RSPO2: variants seen among roughly 807,000 people sequenced by gnomAD.
The protein encoded by RSPO2 is R-spondin 2.
A neutral mutation model predicts 30.9 loss-of-function variants in RSPO2; 14 were observed. The ratio of observed to expected loss-of-function variants is 0.45; its 90% CI spans 0.30 to 0.71. The LOEUF (loss-of-function observed/expected upper bound fraction) is 0.71. RSPO2 is among the 30% of genes least tolerant of loss of function. RSPO2 has a pLI of 0.08. For synonymous variants in RSPO2, 107 were observed against 96.4 expected, an observed-to-expected ratio of 1.11 and a Z score of -0.64; for missense variants, 264 against 301.9, an observed-to-expected ratio of 0.87 and a Z score of 0.93.
rs997180475 is a variant in RSPO2 at position 107,899,363 on chromosome 8, A to T, written c.*1712T>A. 3.9e-5 allele frequency: 6 copies of T among 152,752 alleles called. No homozygotes were observed. In the East Asian group the frequency reaches 1.2e-3, roughly 29 times the overall value. 9.5% of individuals were successfully genotyped at this position (152,752 alleles called of 1,614,324 possible). On this transcript the variant is annotated 3_prime_UTR_variant, in exon 6 of 6. Transcript: ENST00000276659. Reference sequence around the variant, plus strand: ...CAAAAAAGAACATCCCAGGAACAACAGGTATTGACTTATTAACGATGAAGC... The same window carrying T: ...CAAAAAAGAACATCCCAGGAACAACTGGTATTGACTTATTAACGATGAAGC...
intron 2 of RSPO2, among the ~76,000 whole-genome samples, chr8:108,080,858 A>C (rs1813171234): frequency 6.6e-6 from 1 of 152,228 alleles, no homozygotes; most frequent in South Asian, 2.1e-4. Context: ...GACTTATAAA[A>C]AGAGGAAAAG....
At position 108,017,269 on chromosome 8, in the gene RSPO2, G is replaced by A. The variant is rs189461865; in HGVS notation, c.95-28025C>T. On this transcript the variant is annotated intron_variant, in intron 2 of 5. Transcript: ENST00000276659. Reference sequence around the variant, plus strand: ...CATGACCTCGTGATCTGCCTGCCTCGGCCTCTCAAAGTGCTGGGATTACAG... The same window carrying A: ...CATGACCTCGTGATCTGCCTGCCTCAGCCTCTCAAAGTGCTGGGATTACAG... Among the ~76,000 whole-genome samples, 139 of 152,122 alleles carry A rather than the reference G, an allele frequency of 9.1e-4. 2 individuals are homozygous for A. The highest frequency in any genetic ancestry group is 5.4e-3 in the Admixed American group (82 of 15,272).
chr8:108,031,380 C>T (rs1811417429), intron 2 of RSPO2, among the ~76,000 whole-genome samples: 1 of 152,158 alleles, frequency 6.6e-6, no homozygotes, highest in Non-Finnish European at 1.5e-5. Context: ...ACTAAATGGC[C>T]TTATTATGCT....
intron 3 of RSPO2, chr8:107,983,161 A>G: frequency 6.5e-7 from 1 of 1,526,882 alleles, no homozygotes; most frequent in South Asian, 1.2e-5. Context: ...TCAACAGAGC[A>G]GATGAGCAGA....
chr8:108,052,293 G>T (rs1812100984), intron 2 of RSPO2, among the ~76,000 whole-genome samples: 1 of 152,138 alleles, frequency 6.6e-6, no homozygotes, highest in Non-Finnish European at 1.5e-5. Flanking sequence ...GAAGCAGCCA[G>T]TTTAAAAGTA....
chr8:107,958,547 A>T (rs1813508643), intron 4 of RSPO2, among the ~76,000 whole-genome samples: 1 of 152,118 alleles, frequency 6.6e-6, no homozygotes, highest in South Asian at 2.1e-4. Flanking sequence ...TTTTCCTTCA[A>T]CTTTTAAGTT....
intron 2 of RSPO2, chr8:108,081,903 G>T (rs1392092356): frequency 6.1e-6 from 6 of 985,280 alleles, no homozygotes; most frequent in Non-Finnish European, 7.2e-6. Flanking sequence ...ACCAGCGCGG[G>T]AATTGCTGCT....
chr8:107,959,246 C>T lies in RSPO2; in HGVS notation c.428-978G>A, dbSNP rs1051223350. On this transcript the variant is annotated intron_variant, in intron 4 of 5. Transcript: ENST00000276659. ...CCACAGTTCTTATTCCCCACATTGG[C>T]GTTGTACATTACTACAGTTTGAAAA... Among the ~76,000 whole-genome samples the T allele has an allele frequency of 5.3e-5, 8 of 152,128 alleles. No individual in the cohort carries two copies. The East Asian group carries it at 1.2e-3, about 22-fold the overall frequency.
At position 108,072,021 on chromosome 8, in the gene RSPO2, T is replaced by C. The variant is rs73700388; in HGVS notation, c.94+10524A>G. 4.6e-3 allele frequency among the ~76,000 whole-genome samples: 707 copies of C among 152,268 alleles called. 4 individuals carry two copies. The highest frequency in any genetic ancestry group is 0.015 in the African/African-American group (616 of 41,562). ...GAGCAGGGAATGACAGATACCATAGTTACCCCCAAAGAGTTATATTTTTGG... is the reference window on the plus strand; with the variant it reads ...GAGCAGGGAATGACAGATACCATAGCTACCCCCAAAGAGTTATATTTTTGG... On this transcript the variant is annotated intron_variant, in intron 2 of 5. Coordinates refer to ENST00000276659, the MANE Select transcript of RSPO2 (RefSeq NM_178565.5).
At chr8:107,993,705 A>G (rs1814925221) in intron 2 of RSPO2, among the ~76,000 whole-genome samples, 1 of 152,140 alleles carries the variant, frequency 6.6e-6, no homozygotes, top group African/African-American at 2.4e-5. Flanking sequence ...AATTCTAGAG[A>G]CTAGAAGTCT....
Position 107,899,542 on chromosome 8 carries a change from A to C in RSPO2, c.*1533T>G, listed in dbSNP as rs1811374105. ...ATCTCATAGCAATATTTTCATAACG[A>C]TGTATATGATATTTATCCTTATTGG... On this transcript the variant is annotated 3_prime_UTR_variant, in exon 6 of 6. Coordinates refer to ENST00000276659, the MANE Select transcript of RSPO2 (RefSeq NM_178565.5). 1 of 152,548 alleles carries C rather than the reference A, an allele frequency of 6.6e-6. No homozygotes were observed. Among genetic ancestry groups the C allele is most frequent in the South Asian group, 2.1e-4 (1 of 4,822 alleles). The allele number at this position is 152,548 out of a possible 1,614,324, so 9.4% of individuals were successfully genotyped here. A position where few individuals can be genotyped will look rare whatever the true frequency, so the allele number is the denominator to read the frequency against.
At chr8:107,983,822 T>C in intron 3 of RSPO2, 1 of 1,605,018 alleles carries the variant, frequency 6.2e-7, no homozygotes, top group Non-Finnish European at 8.5e-7. Context: ...ATTCAGAAAC[T>C]GCTACAGCCT....
rs35054419 is a variant in RSPO2, at chr8:107,992,174, T to TACACACACACACACACACAC, written c.95-2950_95-2931dup. On this transcript the variant is annotated intron_variant, in intron 2 of 5. Transcript: ENST00000276659. ...AACTGACTGGATAAAGAAAATGTGA[T>TACACACACACACACACACAC]ACACACACACACACACACACACACA... Among the ~76,000 whole-genome samples the TACACACACACACACACACAC allele has an allele frequency of 3.0e-3, 422 of 142,046 alleles. 3 individuals carry two copies. Among genetic ancestry groups the TACACACACACACACACACAC allele is most frequent in the African/African-American group, 7.3e-3 (270 of 37,130 alleles). 93.2% of individuals were successfully genotyped at this position (142,046 alleles called of 152,430 possible).
intron 5 of RSPO2, among the ~76,000 whole-genome samples, chr8:107,936,567 A>G (rs1258824318): frequency 6.6e-6 from 1 of 152,194 alleles, no homozygotes; most frequent in African/African-American, 2.4e-5. Flanking sequence ...GTATTAATTT[A>G]CATTTCCACC....
chr8:107,948,936 T>G (rs1813153813), intron 5 of RSPO2, among the ~76,000 whole-genome samples: 1 of 150,124 alleles, frequency 6.7e-6, no homozygotes, highest in African/African-American at 2.4e-5. Context: ...GAAGAGTAAC[T>G]GCCCCCTGCA....
intron 2 of RSPO2, among the ~76,000 whole-genome samples, chr8:108,005,540 T>C (rs1233523307): frequency 6.6e-6 from 1 of 150,790 alleles, no homozygotes; most frequent in Non-Finnish European, 1.5e-5. Flanking sequence ...TCTGCTTGTT[T>C]GTTACGTCAA....
At chr8:107,999,270 T>C (rs1182594135) in intron 2 of RSPO2, among the ~76,000 whole-genome samples, 1 of 152,122 alleles carries the variant, frequency 6.6e-6, no homozygotes, top group African/African-American at 2.4e-5. Flanking sequence ...GAGTATTTCC[T>C]TGGGAAAATG....
At chr8:108,041,628 A>G (rs533344917) in intron 2 of RSPO2, among the ~76,000 whole-genome samples, 31 of 152,306 alleles carry the variant, frequency 2.0e-4, no homozygotes, top group Non-Finnish European at 2.6e-4. Context: ...CTTTCAGTGA[A>G]CATCTTTAAT....
chr8:107,942,307 C>G (rs1027501467), intron 5 of RSPO2, among the ~76,000 whole-genome samples: 2 of 152,178 alleles, frequency 1.3e-5, no homozygotes, highest in African/African-American at 4.8e-5. Context: ...TATCTTATTT[C>G]AGCCCATGTT....
Sources: gnomAD v4.1 joint callset for allele counts (sites outside exome capture counted in the v4.1 genomes callset) on GRCh38, gnomAD v4.1.1 for gene constraint, MANE v1.5 for transcripts, NCBI Gene and HGNC (gene_info 2026-07-23, HGNC 2026-07-21) for gene names.